The following ITPR2 variants were observed in gnomAD, a reference collection of about 807,000 sequenced individuals.
The protein encoded by ITPR2 is inositol 1,4,5-trisphosphate-gated calcium channel ITPR2.
ITPR2 carries 207 observed loss-of-function variants against 317.1 expected under a neutral mutation model. The observed-to-expected ratio is 0.65, with a 90% CI of 0.58 to 0.73. ITPR2 has a LOEUF of 0.73. Among genes scored for constraint, ITPR2 ranks in the 30% least tolerant of loss-of-function variants. The probability of loss-of-function intolerance (pLI) is 0.00; values close to 1 mark genes in which losing one functional copy is unlikely to be tolerated. For synonymous variants in ITPR2, 1,156 were observed against 1,149.1 expected (o/e 1.01, Z -0.12); for missense variants, 2,613 against 3,284.0 (o/e 0.80, Z 4.99).
chr12:26,692,490 C>T (rs1948259600), intron 10 of ITPR2, among the ~76,000 whole-genome samples: 1 of 152,048 alleles, frequency 6.6e-6, no homozygotes, highest in Non-Finnish European at 1.5e-5. Flanking sequence ...AGATGGGTAG[C>T]GTTAATTCCA....
chr12:26,784,553 G>A (rs1950174779), intron 2 of ITPR2, among the ~76,000 whole-genome samples: 2 of 151,464 alleles, frequency 1.3e-5, no homozygotes, highest in African/African-American at 4.9e-5. Context: ...TGTGTTGGCC[G>A]GGCTGGTCTC....
chr12:26,726,572 A>G (rs1948928212), intron 2 of ITPR2, among the ~76,000 whole-genome samples: 1 of 152,170 alleles, frequency 6.6e-6, no homozygotes, highest in South Asian at 2.1e-4. Flanking sequence ...CCTTATTTTC[A>G]TTTTTCTCAT....
At chr12:26,381,318 T>C (rs2136617368) in intron 55 of ITPR2, among the ~76,000 whole-genome samples, 1 of 152,380 alleles carries the variant, frequency 6.6e-6, no homozygotes, top group East Asian at 1.9e-4. Context: ...GTAAATTATG[T>C]CCAACTCCCA....
chr12:26,763,053 A>C (rs561431940), intron 2 of ITPR2, among the ~76,000 whole-genome samples: 1 of 152,270 alleles, frequency 6.6e-6, no homozygotes, highest in South Asian at 2.1e-4. Flanking sequence ...TCTATTGTAC[A>C]TTATGACTAT....
chr12:26,571,239 T>C (rs1945151728), intron 34 of ITPR2, among the ~76,000 whole-genome samples: 1 of 152,290 alleles, frequency 6.6e-6, no homozygotes, highest in South Asian at 2.1e-4. Flanking sequence ...TCACAATTGA[T>C]CGTGGCTTCA....
chr12:26,430,933 C>T (rs1941188186), intron 48 of ITPR2, among the ~76,000 whole-genome samples: 1 of 152,168 alleles, frequency 6.6e-6, no homozygotes, highest in Non-Finnish European at 1.5e-5. Context: ...GTTTCCTCTG[C>T]CTCAGTCCAG....
chr12:26,494,085 G>T (rs1942874967), intron 39 of ITPR2, 68 bp downstream of exon 39: 1 of 1,226,886 alleles, frequency 8.2e-7, no homozygotes, highest in Non-Finnish European at 1.1e-6. Flanking sequence ...ACTTTTCCTT[G>T]GTTTCTGTGA....
intron 1 of ITPR2, chr12:26,801,207 A>T (rs1026008182): frequency 8.3e-5 from 13 of 156,752 alleles, no homozygotes; most frequent in East Asian, 1.8e-4. Context: ...GGACGTGGAC[A>T]TTGCATCAGG....
At chr12:26,605,273 T>G (rs1175640190) in intron 26 of ITPR2, among the ~76,000 whole-genome samples, 1 of 151,792 alleles carries the variant, frequency 6.6e-6, no homozygotes, top group Admixed American at 6.6e-5. Context: ...GATTTTCCAT[T>G]TGATAGCAAA....
chr12:26,522,317 T>A (rs1943687206), intron 37 of ITPR2, among the ~76,000 whole-genome samples: 1 of 152,218 alleles, frequency 6.6e-6, no homozygotes, highest in African/African-American at 2.4e-5. Context: ...GCTTAGACTA[T>A]TAGACATGAA....
chr12:26,542,604 TTAA>T (rs1188867117), intron 37 of ITPR2, among the ~76,000 whole-genome samples: 9 of 152,232 alleles, frequency 5.9e-5, no homozygotes, highest in Non-Finnish European at 1.2e-4. Flanking sequence ...CGGTAAGCTC[TTAA>T]TAAATGCTAG....
Position 26,593,839 on chromosome 12 carries a change from G to A in ITPR2, c.4380+1626C>T, listed in dbSNP as rs143060726. Among the ~76,000 whole-genome samples, 19 of 152,116 alleles carry A rather than the reference G, an allele frequency of 1.2e-4. No homozygotes were observed. The East Asian group carries it at 3.1e-3, about 25-fold the overall frequency. ...TATTTCTCAGGTGGCATAATCAATGGAAGTTATCATTGGCTTTCTTTGGTT... is the reference window on the plus strand; with the variant it reads ...TATTTCTCAGGTGGCATAATCAATGAAAGTTATCATTGGCTTTCTTTGGTT... On this transcript the variant is annotated intron_variant, in intron 32 of 56. Transcript: ENST00000381340.
chr12:26,346,489 A>T (rs1312787749), intron 55 of ITPR2, among the ~76,000 whole-genome samples: 1 of 152,076 alleles, frequency 6.6e-6, no homozygotes, highest in Non-Finnish European at 1.5e-5. Flanking sequence ...CAGGTGTGGT[A>T]GCGGGCACCT....
At chr12:26,406,041 A>G (rs1401647045) in intron 52 of ITPR2, among the ~76,000 whole-genome samples, 1 of 152,190 alleles carries the variant, frequency 6.6e-6, no homozygotes, top group Non-Finnish European at 1.5e-5. Flanking sequence ...GGAAATGCTG[A>G]TTTTAAAAAT....
intron 1 of ITPR2, among the ~76,000 whole-genome samples, chr12:26,799,074 T>C (rs1462002355): frequency 1.3e-5 from 2 of 152,260 alleles, no homozygotes; most frequent in East Asian, 1.9e-4. Context: ...TTGGTTTAAA[T>C]ATTAAAAGTA....
chr12:26,639,805 A>G (rs908176445), intron 21 of ITPR2, among the ~76,000 whole-genome samples: 9 of 151,600 alleles, frequency 5.9e-5, no homozygotes, highest in Non-Finnish European at 2.9e-5. Context: ...TGAACTCATC[A>G]TTTTTTATGG....
intron 37 of ITPR2, among the ~76,000 whole-genome samples, chr12:26,528,437 A>G (rs770714588): frequency 4.6e-5 from 7 of 152,206 alleles, no homozygotes; most frequent in African/African-American, 1.7e-4. Context: ...GTCCTCTTCC[A>G]TATCTTTCTT....
At chr12:26,753,360 G>A (rs375035865) in intron 2 of ITPR2, among the ~76,000 whole-genome samples, 24 of 152,162 alleles carry the variant, frequency 1.6e-4, no homozygotes, top group African/African-American at 4.6e-4. Context: ...TTTGCTGACC[G>A]CTATGGGTGA....
chr12:26,816,479 A>G (rs10842798), intron 1 of ITPR2, among the ~76,000 whole-genome samples: 27,803 of 152,196 alleles, frequency 0.18, 3,232 homozygotes, highest in Non-Finnish European at 0.27. Context: ...CCAAAAGCCC[A>G]TGTTAACTAT....
Sources: allele counts gnomAD v4.1 joint callset (sites outside exome capture counted in the v4.1 genomes callset), GRCh38; gene constraint gnomAD v4.1.1; transcripts MANE v1.5; gene names NCBI Gene and HGNC (gene_info 2026-07-23, HGNC 2026-07-21).